RAP2A: variants seen among roughly 807,000 people sequenced by gnomAD.
RAP2A encodes RAP2A, member of RAS oncogene family, also known as ras-related protein Rap-2a.
In RAP2A, 5 loss-of-function variants were observed where a neutral mutation model predicts 15.1. That is an observed-to-expected ratio of 0.33 (90% CI 0.17 to 0.70). RAP2A has a LOEUF of 0.70. RAP2A is among the 30% of genes least tolerant of loss of function. The pLI is 0.68. For missense variants in RAP2A, 111 were observed against 240.3 expected (o/e 0.46, Z 3.56); for synonymous variants, 110 against 99.7 (o/e 1.10, Z -0.62).
Position 97,468,255 on chromosome 13 carries a change from GTTAAT to G in RAP2A, c.*3818_*3822del, listed in dbSNP as rs1296063776. ...GATTTTATATTTTGAATGGTAGCTG[GTTAAT>G]TTAAAGCCTGATGCTAAGGTTAACA... On this transcript the variant is annotated 3_prime_UTR_variant, in exon 2 of 2. Coordinates refer to ENST00000245304, the MANE Select transcript of RAP2A (RefSeq NM_021033.7). The G allele has an allele frequency of 3.9e-5, 6 of 152,148 alleles. No individual in the cohort carries two copies. Among genetic ancestry groups the G allele is most frequent in the African/African-American group, 1.4e-4 (6 of 41,442 alleles). The allele number at this position is 152,148 out of a possible 1,614,324, so 9.4% of individuals were successfully genotyped here.
At chr13:97,463,924 A>C (rs1032765207) in intron 1 of RAP2A, among the ~76,000 whole-genome samples, 2 of 152,230 alleles carry the variant, frequency 1.3e-5, no homozygotes, top group African/African-American at 4.8e-5. Flanking sequence ...TGAGTTTCTG[A>C]GAATAATTTT....
chr13:97,458,695 ATCAGCCAAGT>A (rs2153180216), intron 1 of RAP2A, among the ~76,000 whole-genome samples: 1 of 152,338 alleles, frequency 6.6e-6, no homozygotes, highest in African/African-American at 2.4e-5. Flanking sequence ...TGTGTTGATG[ATCAGCCAAGT>A]TCAGACACGA....
At position 97,440,499 on chromosome 13, in the gene RAP2A, T is replaced by G. The variant is rs75225980; in HGVS notation, c.314+5715T>G. Among the ~76,000 whole-genome samples the G allele has an allele frequency of 9.8e-3, 1,490 of 152,162 alleles. 26 individuals carry two copies. The highest frequency in any genetic ancestry group is 0.034 in the African/African-American group (1,397 of 41,504). On this transcript the variant is annotated intron_variant, in intron 1 of 1. Transcript: ENST00000245304. ...GACAATATGAAACAAACAATATAACTAGTAAGTCAGGATGAGAGGAGGGAA... is the reference window on the plus strand; with the variant it reads ...GACAATATGAAACAAACAATATAACGAGTAAGTCAGGATGAGAGGAGGGAA...
chr13:97,440,776 CAA>C (rs944026945), intron 1 of RAP2A, among the ~76,000 whole-genome samples: 1 of 152,142 alleles, frequency 6.6e-6, no homozygotes, highest in African/African-American at 2.4e-5. Flanking sequence ...CCATCACCTC[CAA>C]AAGTTTCCCC....
rs534054374 is a variant in RAP2A, at chr13:97,462,042, TTA to T, written c.315-2153_315-2152del. Among the ~76,000 whole-genome samples the T allele has an allele frequency of 4.1e-4, 54 of 132,498 alleles. 1 individual carries two copies. The highest frequency in any genetic ancestry group is 2.4e-3 in the East Asian group (12 of 5,034). 86.9% of individuals were successfully genotyped at this position (132,498 alleles called of 152,430 possible). On this transcript the variant is annotated intron_variant, in intron 1 of 1. Coordinates refer to ENST00000245304, the MANE Select transcript of RAP2A (RefSeq NM_021033.7). Reference sequence around the variant, plus strand: ...TAGATATTTATATATTTATATATATTTATATATATATTTATATATATATTTAT... The same window carrying T: ...TAGATATTTATATATTTATATATATTTATATATATTTATATATATATTTAT...
In RAP2A at chr13:97,467,316, T is replaced by C. The variant is rs1431158637; in HGVS notation, c.*2874T>C. On this transcript the variant is annotated 3_prime_UTR_variant, in exon 2 of 2. Coordinates refer to ENST00000245304, the MANE Select transcript of RAP2A (RefSeq NM_021033.7). ...ATCAAAAGTATTACATAAAATATTT[T>C]CTTAAACTATTGAAAGGTGCTTTGA... The C allele has an allele frequency of 6.6e-6, 1 of 152,638 alleles. No homozygotes were observed. Among genetic ancestry groups the C allele is most frequent in the Non-Finnish European group, 1.5e-5 (1 of 68,034 alleles). 9.5% of individuals were successfully genotyped at this position (152,638 alleles called of 1,614,324 possible).
intron 1 of RAP2A, among the ~76,000 whole-genome samples, chr13:97,462,077 A>C (rs1188419039): frequency 6.9e-6 from 1 of 145,500 alleles, no homozygotes; most frequent in Non-Finnish European, 1.5e-5. Context: ...TATATATTAT[A>C]TATATTGTAT....
chr13:97,434,686 CAAG>C lies in RAP2A; in HGVS notation c.219_221del (p.Lys73del). On this transcript the variant is annotated inframe_deletion, in exon 1 of 2. Transcript: ENST00000245304. ...TCGCGTCCATGCGGGACCTGTACAT[CAAG>C]AACGGCCAGGGCTTCATCCTCGTCT... 6.2e-7 allele frequency: 1 copy of C among 1,614,168 alleles called. No homozygotes were observed. The highest frequency in any genetic ancestry group is 8.5e-7 in the Non-Finnish European group (1 of 1,180,012).
chr13:97,464,181 T>A (rs912822944), intron 1 of RAP2A, 24 bp from the exon 2 acceptor site: 1 of 1,607,236 alleles, frequency 6.2e-7, no homozygotes, highest in Admixed American at 1.7e-5. Flanking sequence ...ACAATGTATG[T>A]GTGTTTTGTT....
At chr13:97,447,974 T>TG (rs2066686488) in intron 1 of RAP2A, among the ~76,000 whole-genome samples, 1 of 151,998 alleles carries the variant, frequency 6.6e-6, no homozygotes, top group African/African-American at 2.4e-5. Context: ...TTCTTGGGTT[T>TG]TTTTTTTTTT....
At chr13:97,456,943 T>C (rs1208515364) in intron 1 of RAP2A, among the ~76,000 whole-genome samples, 1 of 152,194 alleles carries the variant, frequency 6.6e-6, no homozygotes, top group Non-Finnish European at 1.5e-5. Flanking sequence ...GCAGTATTGA[T>C]GTTTCATGCT....
chr13:97,463,879 CCT>C (rs1041692227), intron 1 of RAP2A, among the ~76,000 whole-genome samples: 10 of 152,010 alleles, frequency 6.6e-5, no homozygotes, highest in African/African-American at 2.2e-4. Context: ...TTTGTGCAAC[CCT>C]CTCTCAGAAT....
rs1222196329 is a variant in RAP2A, at chr13:97,467,640, G to A, written c.*3198G>A. 6.7e-6 allele frequency: 1 copy of A among 149,360 alleles called. No individual in the cohort carries two copies. Among genetic ancestry groups the A allele is most frequent in the Non-Finnish European group, 1.5e-5 (1 of 67,504 alleles). 9.3% of individuals were successfully genotyped at this position (149,360 alleles called of 1,614,324 possible). On this transcript the variant is annotated 3_prime_UTR_variant, in exon 2 of 2. Transcript: ENST00000245304. The stretch of plus-strand genomic sequence containing the variant: ...TGTTAGCACTGGGTAAGCTTTAATT[G>A]TCCCTTAGCCAATCAAACATTAAGG...
At chr13:97,434,889 G>T in intron 1 of RAP2A, 105 bp downstream of exon 1, 1 of 1,459,224 alleles carries the variant, frequency 6.9e-7, no homozygotes, top group Non-Finnish European at 9.2e-7. Context: ...CTGGGGGGTG[G>T]CTCCAAGCTG....
At chr13:97,435,242 T>C (rs2066627932) in intron 1 of RAP2A, among the ~76,000 whole-genome samples, 1 of 152,158 alleles carries the variant, frequency 6.6e-6, no homozygotes, top group South Asian at 2.1e-4. Context: ...CTTTCTCATC[T>C]CGTTAAAGGT....
At chr13:97,446,661 C>A (rs2066680913) in intron 1 of RAP2A, among the ~76,000 whole-genome samples, 1 of 152,180 alleles carries the variant, frequency 6.6e-6, no homozygotes, top group African/African-American at 2.4e-5. Flanking sequence ...AAGCCCTGAG[C>A]TACCACATAG....
At chr13:97,457,477 T>C (rs1226968927) in intron 1 of RAP2A, among the ~76,000 whole-genome samples, 1 of 152,024 alleles carries the variant, frequency 6.6e-6, no homozygotes, top group African/African-American at 2.4e-5. Flanking sequence ...TGGAAAGCTC[T>C]ATAATATTAA....
chr13:97,454,981 C>G lies in RAP2A; in HGVS notation c.315-9224C>G, dbSNP rs938477097. ...TCTGTGGTTTCTGATGAGAAATTTTCAGTCCTTTTGTTTGTTCTATATGTA... is the reference window on the plus strand; with the variant it reads ...TCTGTGGTTTCTGATGAGAAATTTTGAGTCCTTTTGTTTGTTCTATATGTA... On this transcript the variant is annotated intron_variant, in intron 1 of 1. Transcript: ENST00000245304. Among the ~76,000 whole-genome samples, 37 of 151,014 alleles carry G rather than the reference C, an allele frequency of 2.5e-4. 1 individual carries two copies. The highest frequency in any genetic ancestry group is 8.9e-5 in the Non-Finnish European group (6 of 67,762).
In RAP2A at chr13:97,458,736, G is replaced by A. The variant is rs150157318; in HGVS notation, c.315-5469G>A. Among the ~76,000 whole-genome samples the A allele has an allele frequency of 6.1e-4, 92 of 151,976 alleles. No homozygotes were observed. The East Asian group carries it at 8.5e-3, about 14-fold the overall frequency. The stretch of plus-strand genomic sequence containing the variant: ...CACGACCAGAATAAAATATATATAC[G>A]TATACATACCTACATATCAGGACAG... On this transcript the variant is annotated intron_variant, in intron 1 of 1. Transcript: ENST00000245304.
Sources: allele counts gnomAD v4.1 joint callset (sites outside exome capture counted in the v4.1 genomes callset), GRCh38; gene constraint gnomAD v4.1.1; transcripts MANE v1.5; gene names NCBI Gene and HGNC (gene_info 2026-07-23, HGNC 2026-07-21).